CR1L: variants seen among roughly 807,000 people sequenced by gnomAD.
CR1L encodes the protein complement component receptor 1-like protein.
A neutral mutation model predicts 62.3 loss-of-function variants in CR1L; 59 were observed. The ratio of observed to expected loss-of-function variants is 0.95; its 90% CI spans 0.77 to 1.18. The LOEUF is 1.18. CR1L is among the 50% of genes most tolerant of loss of function. The pLI, the probability that CR1L is intolerant of heterozygous loss-of-function variation, is 0.00. For missense variants in CR1L, 700 were observed against 702.8 expected, an observed-to-expected ratio of 1.00 and a Z score of 0.04; for synonymous variants, 279 against 248.7, an observed-to-expected ratio of 1.12 and a Z score of -1.15.
In CR1L at chr1:207,678,990, A is replaced by G. The variant is rs1416330061; in HGVS notation, c.377+693A>G. Reference sequence around the variant, plus strand: ...CTCTTATCTGTGCATGTCTGTGTCCAAAGTTCTTTTTTTTTTTTTTTTTTG... The same window carrying G: ...CTCTTATCTGTGCATGTCTGTGTCCGAAGTTCTTTTTTTTTTTTTTTTTTG... On this transcript the variant is annotated intron_variant, in intron 3 of 11. Transcript: ENST00000508064. Among the ~76,000 whole-genome samples, 15 of 137,362 alleles carry G rather than the reference A, an allele frequency of 1.1e-4. No individual in the cohort carries two copies. In the East Asian group the frequency reaches 3.5e-3, roughly 32 times the overall value. The allele number at this position is 137,362 out of a possible 152,430, so 90.1% of individuals were successfully genotyped here.
At chr1:207,710,402 C>G in intron 10 of CR1L, 1 of 1,533,844 alleles carries the variant, frequency 6.5e-7, no homozygotes, top group Admixed American at 1.7e-5. Flanking sequence ...TGGGCTACCC[C>G]CCAACATCAC....
chr1:207,685,110 T>C (rs1170180626), intron 4 of CR1L, among the ~76,000 whole-genome samples: 4 of 152,304 alleles, frequency 2.6e-5, no homozygotes, highest in Middle Eastern at 3.4e-3. Flanking sequence ...TAAAAAAAAT[T>C]AGTAAAATAG....
intron 1 of CR1L, among the ~76,000 whole-genome samples, chr1:207,648,286 T>C (rs1212791698): frequency 2.1e-5 from 3 of 144,176 alleles, no homozygotes; most frequent in Admixed American, 6.9e-5. Flanking sequence ...TAGAGGAACA[T>C]AGAATTATAA....
intron 1 of CR1L, among the ~76,000 whole-genome samples, chr1:207,672,705 C>CTTTAA (rs1158768870): frequency 6.6e-6 from 1 of 152,066 alleles, no homozygotes; most frequent in African/African-American, 2.4e-5. Context: ...GAGTGTTTAA[C>CTTTAA]ATAGGGTAGA....
chr1:207,650,577 T>A (rs1199440785), intron 1 of CR1L, among the ~76,000 whole-genome samples: 1 of 152,146 alleles, frequency 6.6e-6, no homozygotes, highest in Non-Finnish European at 1.5e-5. Flanking sequence ...AGTTTATGTT[T>A]TGTGGAAGCA....
At chr1:207,722,570 G>T (rs908966255) in intron 11 of CR1L, among the ~76,000 whole-genome samples, 10 of 151,816 alleles carry the variant, frequency 6.6e-5, no homozygotes, top group Non-Finnish European at 1.2e-4. Flanking sequence ...TTTGGTACCA[G>T]TACCATGCTG....
In CR1L at chr1:207,710,234, C is replaced by T. The variant is rs142948943; in HGVS notation, c.1414+1971C>T. 2,332 of 574,426 alleles carry T rather than the reference C, an allele frequency of 4.1e-3. 20 individuals carry two copies. The highest frequency in any genetic ancestry group is 0.02 in the Middle Eastern group (41 of 2,034). 35.6% of individuals were successfully genotyped at this position (574,426 alleles called of 1,614,324 possible). On this transcript the variant is annotated intron_variant, in intron 10 of 11. Coordinates refer to ENST00000508064, the MANE Select transcript of CR1L (RefSeq NM_175710.2). The stretch of plus-strand genomic sequence containing the variant: ...TGGTGCGTGCCTGTAATCCCAGCTA[C>T]TCGGGAGGTTGAGGGGGGAGGATTG...
chr1:207,675,568 T>C (rs1244987667), intron 1 of CR1L, among the ~76,000 whole-genome samples: 2 of 152,124 alleles, frequency 1.3e-5, no homozygotes, highest in Non-Finnish European at 2.9e-5. Flanking sequence ...TGGTAAGAGA[T>C]GAAGCAGGAA....
chr1:207,717,656 G>C lies in CR1L; in HGVS notation c.1607G>C (p.Ser536Thr). 2 of 1,614,000 alleles carry C rather than the reference G, an allele frequency of 1.2e-6. No individual in the cohort carries two copies. Among genetic ancestry groups the C allele is most frequent in the Non-Finnish European group, 1.7e-6 (2 of 1,179,902 alleles). Residue 536 changes from serine (S) to threonine (T), a missense_variant, in exon 11 of 12, where the codon AGC becomes ACC. Coordinates refer to ENST00000508064, the MANE Select transcript of CR1L (RefSeq NM_175710.2). ...CCTCATGGGAATGGGGTTTGGAGCA[G>C]CCCTGCCCCTCGCTGTGAACTTCCT... is the stretch of plus-strand genomic sequence containing the variant. ...SEPHGNGVWS[S>T]PAPRCELPVG...
intron 5 of CR1L, among the ~76,000 whole-genome samples, chr1:207,697,132 G>A (rs1571526175): frequency 6.6e-6 from 1 of 152,200 alleles, no homozygotes; most frequent in Admixed American, 6.5e-5. Context: ...AATTGGTGAT[G>A]CCTTTCTAGA....
chr1:207,709,576 C>T (rs1664320497), intron 10 of CR1L, among the ~76,000 whole-genome samples: 1 of 152,166 alleles, frequency 6.6e-6, no homozygotes, highest in South Asian at 2.1e-4. Context: ...TGGCTCACAC[C>T]TGTAATTCCA....
chr1:207,718,315 A>G (rs1424062975), intron 11 of CR1L, among the ~76,000 whole-genome samples: 1 of 152,216 alleles, frequency 6.6e-6, no homozygotes, highest in Non-Finnish European at 1.5e-5. Flanking sequence ...CTCTGGCTTT[A>G]AACGACAGTA....
chr1:207,655,038 A>T (rs1316040769), intron 1 of CR1L, among the ~76,000 whole-genome samples: 1 of 152,246 alleles, frequency 6.6e-6, no homozygotes, highest in Non-Finnish European at 1.5e-5. Context: ...TTGCAGATTT[A>T]TTTAGCACTT....
chr1:207,669,582 C>T (rs1424027752), intron 1 of CR1L: 3 of 1,430,946 alleles, frequency 2.1e-6, no homozygotes, highest in East Asian at 4.8e-5. Context: ...CGCTGGGGGG[C>T]GTGGGGAGGC....
intron 10 of CR1L, among the ~76,000 whole-genome samples, chr1:207,713,619 G>C (rs1653881674): frequency 6.6e-6 from 1 of 152,224 alleles, no homozygotes; most frequent in South Asian, 2.1e-4. Flanking sequence ...GAGGGGGTGT[G>C]TGAGTGAGCA....
At chr1:207,717,750 A>G (rs1654038083) in intron 11 of CR1L, 59 bp downstream of exon 11, 2 of 1,580,454 alleles carry the variant, frequency 1.3e-6, no homozygotes, top group East Asian at 4.5e-5. Flanking sequence ...GAGAACCTTC[A>G]TATTTCTATA....
chr1:207,708,222 G>C lies in CR1L; in HGVS notation c.1373G>C (p.Gly458Ala). The C allele has an allele frequency of 6.2e-7, 1 of 1,611,456 alleles. No homozygotes were observed. The highest frequency in any genetic ancestry group is 1.1e-5 in the South Asian group (1 of 90,982). ...TCATCTGCTGAATGTATCCTCTCGG[G>C]CAATACTGCCCATTGGAGCATGAAG... Reference protein sequence around the residue: ...GHSSAECILSGNTAHWSMKPP... With the variant: ...GHSSAECILSANTAHWSMKPP... The change falls in exon 10 of 12, where the codon GGC becomes GCC. Residue 458 changes from glycine (G) to alanine (A), a missense_variant. Gly to Ala is a moderately conservative substitution (Grantham distance 60). Transcript: ENST00000508064.
intron 3 of CR1L, among the ~76,000 whole-genome samples, chr1:207,683,044 CTCCT>C (rs1663829717): frequency 8.5e-6 from 1 of 117,510 alleles, no homozygotes; most frequent in Non-Finnish European, 1.8e-5. Flanking sequence ...CCTTCCTTCC[CTCCT>C]TCCTTCCTTC....
chr1:207,680,992 G>A (rs1663786348), intron 3 of CR1L, among the ~76,000 whole-genome samples: 1 of 152,174 alleles, frequency 6.6e-6, no homozygotes, highest in African/African-American at 2.4e-5. Flanking sequence ...GTGTCTTCCA[G>A]GTGGCTACCC....
Sources: gnomAD v4.1 joint callset for allele counts (sites outside exome capture counted in the v4.1 genomes callset) on GRCh38, gnomAD v4.1.1 for gene constraint, MANE v1.5 for transcripts, NCBI Gene and HGNC (gene_info 2026-07-23, HGNC 2026-07-21) for gene names.